DENND2B: variants seen among roughly 807,000 people sequenced by gnomAD.
The protein encoded by DENND2B is DENN domain-containing protein 2B.
In DENND2B, 32 loss-of-function variants were observed where a neutral mutation model predicts 116.0. The observed-to-expected ratio is 0.28, with a 90% CI of 0.21 to 0.37. The LOEUF (loss-of-function observed/expected upper bound fraction) is 0.37. DENND2B is among the 10% of genes least tolerant of loss of function. DENND2B has a pLI of 1.00. For synonymous variants in DENND2B, 588 were observed against 583.9 expected, an observed-to-expected ratio of 1.01 and a Z score of -0.10; for missense variants, 1,276 against 1,477.7, an observed-to-expected ratio of 0.86 and a Z score of 2.24.
At chr11:8,791,274 T>C (rs1427409738) in intron 1 of DENND2B, among the ~76,000 whole-genome samples, 1 of 152,162 alleles carries the variant, frequency 6.6e-6, no homozygotes, top group Non-Finnish European at 1.5e-5. Flanking sequence ...TCAATACAAT[T>C]GCACATAGGA....
At chr11:8,872,237 C>G (rs1296789991), upstream of DENND2B, among the ~76,000 whole-genome samples, 1 of 152,060 alleles carries the variant, frequency 6.6e-6, no homozygotes, top group East Asian at 1.9e-4. Context: ...CCTGTAATCC[C>G]AGCACTTTGG....
At position 8,730,580 on chromosome 11, in the gene DENND2B, T is replaced by C; in HGVS notation, c.710A>G (p.Tyr237Cys). The C allele has an allele frequency of 6.2e-7, 1 of 1,613,170 alleles. No homozygotes were observed. Among genetic ancestry groups the C allele is most frequent in the Non-Finnish European group, 8.5e-7 (1 of 1,180,016 alleles). The stretch of plus-strand genomic sequence containing the variant: ...CTCTCCCTCCTCCTCAGTCTCTGGG[T>C]AGGAACACTCGGAGAAGGTCCTGCT... ...RMSRTFSECSYPETEEEGEAL... is the reference protein window; with the variant it reads ...RMSRTFSECSCPETEEEGEAL... Residue 237 changes from tyrosine (Y) to cysteine (C), a missense_variant, in exon 3 of 20, where the codon TAC becomes TGC. Tyr to Cys is a radical substitution (Grantham distance 194). Coordinates refer to ENST00000313726, the MANE Select transcript of DENND2B (RefSeq NM_213618.2). The surrounding 1 kb of genome is among the most constrained non-coding windows in gnomAD (Gnocchi z 4.1).
At chr11:8,817,469 G>C (rs542479450) in intron 4 of DENND2B, among the ~76,000 whole-genome samples, 1 of 152,040 alleles carries the variant, frequency 6.6e-6, no homozygotes, top group East Asian at 1.9e-4. Flanking sequence ...TTTTATGATA[G>C]GAAGTTTTCC....
In DENND2B at chr11:8,712,498, T is replaced by G; in HGVS notation, c.2172+53A>C. The G allele has an allele frequency of 6.6e-7, 1 of 1,503,904 alleles. No individual in the cohort carries two copies. The allele number at this position is 1,503,904 out of a possible 1,614,324, so 93.2% of individuals were successfully genotyped here. A position where few individuals can be genotyped will look rare whatever the true frequency, so the allele number is the denominator to read the frequency against. On this transcript the variant is annotated intron_variant, in intron 9 of 19. Coordinates refer to ENST00000313726, the MANE Select transcript of DENND2B (RefSeq NM_213618.2). This position sits in a 1 kb window ranked among gnomAD's most constrained non-coding sequence, Gnocchi z 4.4. ...TCCTTCCCCAGATAGGCCTGGCGGA[T>G]AGAGGATGGAAGAGGGGGAATATGG...
intron 4 of DENND2B, among the ~76,000 whole-genome samples, chr11:8,825,327 T>G (rs982409741): frequency 3.9e-5 from 6 of 152,230 alleles, no homozygotes; most frequent in Non-Finnish European, 8.8e-5. Flanking sequence ...TGTCTTCTTT[T>G]GAAAAGTGTC....
At chr11:8,825,407 T>C (rs908219672) in intron 4 of DENND2B, among the ~76,000 whole-genome samples, 2 of 152,156 alleles carry the variant, frequency 1.3e-5, no homozygotes, top group East Asian at 1.9e-4. Flanking sequence ...AAGTTACTTA[T>C]AGATGCTGGA....
At chr11:8,883,266 T>TA (rs2063922099) in intron 1 of DENND2B, among the ~76,000 whole-genome samples, 1 of 152,228 alleles carries the variant, frequency 6.6e-6, no homozygotes, top group Non-Finnish European at 1.5e-5. Context: ...AAAATATTAA[T>TA]AGTGGTTAGC....
intron 11 of DENND2B, 151 bp downstream of exon 11, chr11:8,710,694 T>A (rs1222885223): frequency 1.3e-6 from 1 of 765,476 alleles, no homozygotes; most frequent in African/African-American, 1.8e-5. Flanking sequence ...TGGCAGGGGG[T>A]TCGGGGTGGC....
upstream of DENND2B, among the ~76,000 whole-genome samples, chr11:8,874,083 G>A (rs1489390948): frequency 6.6e-6 from 1 of 152,128 alleles, no homozygotes; most frequent in Non-Finnish European, 1.5e-5. Flanking sequence ...GACAAGATTT[G>A]AGCATAAACA....
chr11:8,716,883 T>A (rs2044939491), intron 5 of DENND2B, among the ~76,000 whole-genome samples: 1 of 152,222 alleles, frequency 6.6e-6, no homozygotes, highest in African/African-American at 2.4e-5. Flanking sequence ...CCTCAGATGA[T>A]CTGCCCACCT....
At chr11:8,729,648 A>C (rs2133920148) in intron 3 of DENND2B, among the ~76,000 whole-genome samples, 1 of 152,332 alleles carries the variant, frequency 6.6e-6, no homozygotes, top group Non-Finnish European at 1.5e-5. Flanking sequence ...AGACTGAGGA[A>C]GCTACAACAG....
chr11:8,693,991 C>T lies in DENND2B; in HGVS notation c.*105G>A, dbSNP rs2039859442. The T allele has an allele frequency of 1.6e-6, 2 of 1,234,444 alleles. No individual in the cohort carries two copies. The highest frequency in any genetic ancestry group is 3.0e-5 in the African/African-American group (2 of 66,620). The allele number at this position is 1,234,444 out of a possible 1,614,324, so 76.5% of individuals were successfully genotyped here. A position where few individuals can be genotyped will look rare whatever the true frequency, so the allele number is the denominator to read the frequency against. On this transcript the variant is annotated 3_prime_UTR_variant, in exon 20 of 20. Coordinates refer to ENST00000313726, the MANE Select transcript of DENND2B (RefSeq NM_213618.2). ...GGTGGGCTGGCTTGGAGGATAGGAT[C>T]TGTGGGGGCAGAGGAGCCACAGCAG...
At chr11:8,772,407 CAGTCT>C (rs2057046182) in intron 1 of DENND2B, among the ~76,000 whole-genome samples, 1 of 151,906 alleles carries the variant, frequency 6.6e-6, no homozygotes, top group Non-Finnish European at 1.5e-5. Flanking sequence ...GAAGTGGGGA[CAGTCT>C]TGTCCCCACT....
At chr11:8,718,655 A>G (rs1466904893) in intron 4 of DENND2B, 3 of 1,260,934 alleles carry the variant, frequency 2.4e-6, no homozygotes, top group Non-Finnish European at 2.0e-6. Flanking sequence ...GGAGGTGTGA[A>G]AGGCTTGGAA....
intron 2 of DENND2B, among the ~76,000 whole-genome samples, chr11:8,878,605 T>C (rs1434400542): frequency 6.6e-6 from 1 of 152,170 alleles, no homozygotes; most frequent in Non-Finnish European, 1.5e-5. Flanking sequence ...GCCAAGCTGG[T>C]CTTGAAATCC....
chr11:8,717,778 C>G lies in DENND2B; in HGVS notation c.1592G>C (p.Ser531Thr). Reference protein sequence around the residue: ...NSLDSLHRMWSPQDRKYNSPP... With the variant: ...NSLDSLHRMWTPQDRKYNSPP... The stretch of plus-strand genomic sequence containing the variant: ...GCTGTTGTACTTCCTGTCCTGAGGA[C>G]TCCACATCCTGTGCAAAGAGTCCAA... The change falls in exon 5 of 20, where the codon AGT becomes ACT. Residue 531 changes from serine (S) to threonine (T), a missense_variant. Physicochemically the swap from Ser to Thr is moderately conservative, Grantham distance 58 (BLOSUM62 1). Transcript: ENST00000313726. 1 of 1,606,132 alleles carries G rather than the reference C, an allele frequency of 6.2e-7. No individual in the cohort carries two copies. Among genetic ancestry groups the G allele is most frequent in the Non-Finnish European group, 8.5e-7 (1 of 1,174,792 alleles).
At chr11:8,846,929 A>G (rs1355118386) in intron 3 of DENND2B, among the ~76,000 whole-genome samples, 1 of 152,220 alleles carries the variant, frequency 6.6e-6, no homozygotes, top group Non-Finnish European at 1.5e-5. Flanking sequence ...TGACCCCTCA[A>G]TGCTTTACTG....
Position 8,696,682 on chromosome 11 carries a change from C to T in DENND2B, c.3053-16G>A. On this transcript the variant is annotated splice_polypyrimidine_tract_variant and intron_variant, in intron 17 of 19. Coordinates refer to ENST00000313726, the MANE Select transcript of DENND2B (RefSeq NM_213618.2). ...GTATTACATTCTGGAAGGGAAAAGA[C>T]AATCTTTGAGGTTCAGGTCAAGAGC... 1 of 1,612,790 alleles carries T rather than the reference C, an allele frequency of 6.2e-7. No homozygotes were observed. Among genetic ancestry groups the T allele is most frequent in the Non-Finnish European group, 8.5e-7 (1 of 1,178,942 alleles).
At chr11:8,775,873 G>C (rs1038456041) in intron 1 of DENND2B, among the ~76,000 whole-genome samples, 2 of 152,076 alleles carry the variant, frequency 1.3e-5, no homozygotes, top group South Asian at 2.1e-4. Flanking sequence ...CAGTATTATT[G>C]TATGACAAGC....
Sources: allele counts gnomAD v4.1 joint callset (sites outside exome capture counted in the v4.1 genomes callset), GRCh38; gene constraint gnomAD v4.1.1; non-coding constraint Gnocchi (gnomAD v3.1); transcripts MANE v1.5; gene names NCBI Gene and HGNC (gene_info 2026-07-23, HGNC 2026-07-21).